Variants in MDGA2 observed in about 807,000 individuals in gnomAD.
MDGA2 encodes the protein MAM domain containing glycosylphosphatidylinositol anchor 2, also known as MAM domain-containing glycosylphosphatidylinositol anchor protein 2.
MDGA2 carries 40 observed loss-of-function variants against 117.8 expected under a neutral mutation model. The ratio of observed to expected loss-of-function variants is 0.34; its 90% confidence interval spans 0.26 to 0.44. MDGA2 has a LOEUF of 0.44. Ranked by LOEUF, MDGA2 falls within the 20% of genes least tolerant of loss-of-function variation. MDGA2 has a pLI of 1.00. For missense variants in MDGA2, 1,123 were observed against 1,250.6 expected, an observed-to-expected ratio of 0.90 and a Z score of 1.54; for synonymous variants, 452 against 439.0, an observed-to-expected ratio of 1.03 and a Z score of -0.37.
At chr14:47,326,069 G>A (rs146507188) in intron 1 of MDGA2, among the ~76,000 whole-genome samples, 70 of 152,098 alleles carry the variant, frequency 4.6e-4, no homozygotes, top group Non-Finnish European at 9.4e-4. Context: ...GTGAATTTGA[G>A]GAAAAATATG....
intron 1 of MDGA2, among the ~76,000 whole-genome samples, chr14:47,528,479 A>C (rs1175677696): frequency 6.6e-6 from 1 of 152,182 alleles, no homozygotes; most frequent in East Asian, 1.9e-4. Flanking sequence ...ACTTGTGGCA[A>C]CTTTCCACCT....
At position 46,840,470 on chromosome 14, in the gene MDGA2, A is replaced by G. The variant is rs1880562218; in HGVS notation, c.*1461T>C. 1 of 152,590 alleles carries G rather than the reference A, an allele frequency of 6.6e-6. No homozygotes were observed. Among genetic ancestry groups the G allele is most frequent in the Admixed American group, 6.6e-5 (1 of 15,250 alleles). 9.5% of individuals were successfully genotyped at this position (152,590 alleles called of 1,614,324 possible). A position where few individuals can be genotyped will look rare whatever the true frequency, so the allele number is the denominator to read the frequency against. Reference sequence around the variant, plus strand: ...ATTGGAAAACTGGCTGGTTAAAGATATGATTTGTCGTCAGGTAGCTCAAAA... The same window carrying G: ...ATTGGAAAACTGGCTGGTTAAAGATGTGATTTGTCGTCAGGTAGCTCAAAA... On this transcript the variant is annotated 3_prime_UTR_variant, in exon 17 of 17. Transcript: ENST00000399232.
At chr14:47,200,558 A>C in intron 3 of MDGA2, 1 of 517,856 alleles carries the variant, frequency 1.9e-6, no homozygotes, top group Non-Finnish European at 2.8e-6. Context: ...TTGAGGAGTT[A>C]ACAGTCTTTA....
intron 1 of MDGA2, among the ~76,000 whole-genome samples, chr14:47,575,006 G>GGTCTGTGTGTATAAAGTGTACATAT (rs1896090502): frequency 6.6e-6 from 1 of 152,096 alleles, no homozygotes; most frequent in Non-Finnish European, 1.5e-5. Flanking sequence ...AGTGTACATA[G>GGTCTGTGTGTATAAAGTGTACATAT]GTCTGTGTGT....
intron 1 of MDGA2, among the ~76,000 whole-genome samples, chr14:47,667,178 G>A (rs539265505): frequency 1.3e-5 from 2 of 152,286 alleles, no homozygotes; most frequent in South Asian, 2.1e-4. Flanking sequence ...CTGAATTTAT[G>A]AGAACTGAAC....
intron 1 of MDGA2, among the ~76,000 whole-genome samples, chr14:47,626,740 T>G (rs1227691892): frequency 6.6e-6 from 1 of 152,154 alleles, no homozygotes; most frequent in Non-Finnish European, 1.5e-5. Context: ...GGCCCTTAGC[T>G]GCCTCCCAGC....
chr14:46,894,377 CA>C (rs1166199380), intron 10 of MDGA2, among the ~76,000 whole-genome samples: 1 of 152,002 alleles, frequency 6.6e-6, no homozygotes, highest in East Asian at 1.9e-4. Flanking sequence ...TTTTTCCTGA[CA>C]AATGTGTGCT....
chr14:47,129,230 T>G (rs928998524), intron 5 of MDGA2, among the ~76,000 whole-genome samples: 5 of 151,396 alleles, frequency 3.3e-5, no homozygotes, highest in African/African-American at 1.2e-4. Flanking sequence ...TATCTCCCAA[T>G]GCTATAGCTC....
At chr14:47,412,081 A>G (rs1566774030) in intron 1 of MDGA2, among the ~76,000 whole-genome samples, 2 of 152,092 alleles carry the variant, frequency 1.3e-5, no homozygotes, top group Admixed American at 1.3e-4. Flanking sequence ...TGGAAAGAAG[A>G]AGGAAAGTGT....
chr14:47,180,069 G>T (rs562061130), intron 3 of MDGA2, among the ~76,000 whole-genome samples: 9 of 152,126 alleles, frequency 5.9e-5, no homozygotes, highest in Admixed American at 1.3e-4. Flanking sequence ...AAAGATGCAG[G>T]TTTGTCACAT....
intron 1 of MDGA2, among the ~76,000 whole-genome samples, chr14:47,659,990 T>C (rs1269731870): frequency 6.6e-6 from 1 of 152,110 alleles, no homozygotes; most frequent in Non-Finnish European, 1.5e-5. Flanking sequence ...TGGTCAGATA[T>C]TAGGAAGCCA....
At chr14:47,138,740 T>G (rs1882575561) in intron 4 of MDGA2, among the ~76,000 whole-genome samples, 1 of 152,098 alleles carries the variant, frequency 6.6e-6, no homozygotes, top group Admixed American at 6.5e-5. Flanking sequence ...AAAACTAAAG[T>G]CTGTCAATTT....
intron 8 of MDGA2, among the ~76,000 whole-genome samples, chr14:46,973,677 A>G (rs1279281441): frequency 6.6e-6 from 1 of 152,178 alleles, no homozygotes; most frequent in Non-Finnish European, 1.5e-5. Flanking sequence ...TGTTTCAGCT[A>G]AAGACGTTTC....
At chr14:47,116,714 AAAATT>A (rs1881349804) in intron 5 of MDGA2, among the ~76,000 whole-genome samples, 1 of 152,114 alleles carries the variant, frequency 6.6e-6, no homozygotes, top group African/African-American at 2.4e-5. Flanking sequence ...TGCAAAGAAA[AAAATT>A]AAATCTGATC....
chr14:46,985,814 T>C (rs776964681), intron 8 of MDGA2, among the ~76,000 whole-genome samples: 2 of 152,074 alleles, frequency 1.3e-5, no homozygotes, highest in Non-Finnish European at 2.9e-5. Context: ...AACAGGTTAA[T>C]CAAGTGAAAA....
intron 1 of MDGA2, among the ~76,000 whole-genome samples, chr14:47,591,908 T>C (rs960722500): frequency 5.9e-5 from 9 of 152,072 alleles, no homozygotes; most frequent in Admixed American, 1.3e-4. Flanking sequence ...CTATTCAACA[T>C]AGTATTGGAA....
chr14:47,282,531 C>CACAT (rs1566718584), intron 2 of MDGA2, among the ~76,000 whole-genome samples: 1 of 151,740 alleles, frequency 6.6e-6, no homozygotes, highest in Non-Finnish European at 1.5e-5. Context: ...TAAACACACA[C>CACAT]ACACACACAC....
At chr14:47,597,845 T>TACACACACACACAC (rs35221587) in intron 1 of MDGA2, among the ~76,000 whole-genome samples, 246 of 141,372 alleles carry the variant, frequency 1.7e-3, no homozygotes, top group African/African-American at 6.1e-3. Flanking sequence ...CACACACACA[T>TACACACACACACAC]ACACACACAC....
At chr14:46,980,060 T>C (rs1241124216) in intron 8 of MDGA2, among the ~76,000 whole-genome samples, 4 of 152,200 alleles carry the variant, frequency 2.6e-5, no homozygotes, top group Non-Finnish European at 5.9e-5. Flanking sequence ...AGTGCATTAG[T>C]GTAAGTGTAA....
Sources: allele counts gnomAD v4.1 joint callset (sites outside exome capture counted in the v4.1 genomes callset), GRCh38; gene constraint gnomAD v4.1.1; transcripts MANE v1.5; gene names NCBI Gene and HGNC (gene_info 2026-07-23, HGNC 2026-07-21).